Variants in DPY19L1 observed in about 807,000 individuals in gnomAD.
DPY19L1 encodes protein C-mannosyl-transferase DPY19L1.
A neutral mutation model predicts 96.9 loss-of-function variants in DPY19L1; 35 were observed. That is an observed-to-expected ratio of 0.36 (90% CI 0.28 to 0.48). The LOEUF (loss-of-function observed/expected upper bound fraction) is 0.48, where lower values mean the gene tolerates loss of function less well. Ranked by LOEUF, DPY19L1 falls within the 20% of genes least tolerant of loss-of-function variation. The pLI is 0.99. For synonymous variants in DPY19L1, 205 were observed against 252.6 expected (o/e 0.81, Z 1.79); for missense variants, 521 against 777.9 (o/e 0.67, Z 3.93).
intron 3 of DPY19L1, among the ~76,000 whole-genome samples, chr7:35,015,926 C>T (rs1016371587): frequency 1.3e-5 from 2 of 152,142 alleles, no homozygotes; most frequent in South Asian, 2.1e-4. Context: ...TTAATTATAC[C>T]TTTGGTACTT....
Position 35,037,278 on chromosome 7 carries a change from C to T in DPY19L1, c.117G>A (p.Gly39=), listed in dbSNP as rs1446357634. 9 of 327,526 alleles carry T rather than the reference C, an allele frequency of 2.7e-5. No individual in the cohort carries two copies. The highest frequency in any genetic ancestry group is 6.6e-5 in the African/African-American group (3 of 45,438). 20.3% of individuals were successfully genotyped at this position (327,526 alleles called of 1,614,324 possible). Residue 39 remains glycine (G), a synonymous_variant, in exon 1 of 22, where the codon GGG becomes GGA. Transcript: ENST00000638088. ...CCGGGGACAGGGGCGCGCGCTCGGG[C>T]CCCGGCTCCCCGGCGCCGACGTCCG... is the stretch of plus-strand genomic sequence containing the variant. The part of the protein sequence containing the change: ...GASDVGAGEP[G]PERAPLSPGR...
intron 21 of DPY19L1, among the ~76,000 whole-genome samples, chr7:34,933,469 T>C (rs1301714186): frequency 6.6e-6 from 1 of 152,168 alleles, no homozygotes; most frequent in East Asian, 1.9e-4. Context: ...TGATGGTCAG[T>C]ATTGAGTGTC....
chr7:35,037,831 G>C, upstream of DPY19L1: 1 of 1,230,488 alleles, frequency 8.1e-7, no homozygotes, highest in Non-Finnish European at 1.0e-6. Flanking sequence ...TTCGGCGCCC[G>C]CGCGGGGCTC....
intron 16 of DPY19L1, among the ~76,000 whole-genome samples, chr7:34,944,010 T>G (rs1343832604): frequency 3.3e-5 from 5 of 152,108 alleles, no homozygotes; most frequent in Non-Finnish European, 7.4e-5. Flanking sequence ...AATTTATCAT[T>G]ATGTTGGCAG....
At chr7:35,019,800 T>C (rs79068587) in intron 1 of DPY19L1, among the ~76,000 whole-genome samples, 1,787 of 152,330 alleles carry the variant, frequency 0.012, 26 homozygotes, top group African/African-American at 0.039. Context: ...ATAAGATATA[T>C]TGATCTTTTG....
In DPY19L1 at chr7:35,018,130, T is replaced by C. The variant is rs16879093; in HGVS notation, c.324-161A>G. 6.5e-3 allele frequency among the ~76,000 whole-genome samples: 986 copies of C among 152,282 alleles called. 11 individuals are homozygous for C. Among genetic ancestry groups the C allele is most frequent in the African/African-American group, 0.022 (935 of 41,562 alleles). On this transcript the variant is annotated intron_variant, in intron 2 of 21. Transcript: ENST00000638088. ...CTATATTTTTTTCACTCAGTATGTA[T>C]TGCATTTATACTAAAATTTCCCTCT...
intron 1 of DPY19L1, among the ~76,000 whole-genome samples, chr7:35,028,451 T>C (rs1418115181): frequency 6.6e-6 from 1 of 152,246 alleles, no homozygotes; most frequent in African/African-American, 2.4e-5. Context: ...AATATGTATA[T>C]ATGTACAGAT....
At chr7:34,981,099 G>A (rs1478886361) in intron 7 of DPY19L1, among the ~76,000 whole-genome samples, 1 of 152,132 alleles carries the variant, frequency 6.6e-6, no homozygotes, top group African/African-American at 2.4e-5. Context: ...CTGGATACAA[G>A]ATTGTATACA....
At chr7:35,015,024 C>G (rs1342007567) in intron 3 of DPY19L1, among the ~76,000 whole-genome samples, 2 of 152,050 alleles carry the variant, frequency 1.3e-5, no homozygotes, top group Non-Finnish European at 2.9e-5. Context: ...ACAAGATGCC[C>G]GTCAACACCT....
intron 7 of DPY19L1, among the ~76,000 whole-genome samples, chr7:34,978,627 C>T (rs1784877338): frequency 6.6e-6 from 1 of 152,046 alleles, no homozygotes; most frequent in Admixed American, 6.6e-5. Flanking sequence ...GGCACTGTAT[C>T]TTGATAATAA....
intron 7 of DPY19L1, among the ~76,000 whole-genome samples, chr7:34,988,889 T>C (rs545336247): frequency 6.6e-6 from 1 of 152,346 alleles, no homozygotes; most frequent in South Asian, 2.1e-4. Context: ...AAGCTAACAA[T>C]TACATAGCAG....
Position 34,954,729 on chromosome 7 carries a change from A to G in DPY19L1, c.1289T>C (p.Leu430Ser). The change falls in exon 13 of 22, where the codon TTG becomes TCG. Residue 430 changes from leucine (L) to serine (S), a missense_variant. Transcript: ENST00000638088. ...TGCAATACCAAAAATTTTAGATGTC[A>G]AGTATTTAAGTATGACAGTTCCAAA... ...WLFGTVILKYLTSKIFGIADD... is the reference protein window; with the variant it reads ...WLFGTVILKYSTSKIFGIADD... 2 of 1,565,846 alleles carry G rather than the reference A, an allele frequency of 1.3e-6. No homozygotes were observed. The highest frequency in any genetic ancestry group is 1.7e-6 in the Non-Finnish European group (2 of 1,149,646).
chr7:34,956,094 A>G (rs946828777), intron 11 of DPY19L1, among the ~76,000 whole-genome samples: 8 of 152,194 alleles, frequency 5.3e-5, no homozygotes, highest in African/African-American at 1.9e-4. Flanking sequence ...ATTCGTACCT[A>G]AGGCACACCT....
chr7:35,027,547 A>C (rs1786153486), intron 1 of DPY19L1, among the ~76,000 whole-genome samples: 1 of 151,740 alleles, frequency 6.6e-6, no homozygotes, highest in Non-Finnish European at 1.5e-5. Context: ...TCAGTCATGA[A>C]GGCCGGGCTC....
intron 6 of DPY19L1, among the ~76,000 whole-genome samples, chr7:34,998,387 G>C (rs980993363): frequency 6.6e-6 from 1 of 152,176 alleles, no homozygotes; most frequent in African/African-American, 2.4e-5. Context: ...TCGTGAAAAA[G>C]ATCATTTAAG....
chr7:34,992,027 G>C (rs956303528), intron 6 of DPY19L1, among the ~76,000 whole-genome samples: 2 of 152,004 alleles, frequency 1.3e-5, no homozygotes, highest in Admixed American at 1.3e-4. Flanking sequence ...CGTTTGTTTC[G>C]GCAGGAGGGA....
At chr7:34,969,841 C>G (rs988249069) in intron 8 of DPY19L1, among the ~76,000 whole-genome samples, 2 of 152,006 alleles carry the variant, frequency 1.3e-5, no homozygotes, top group African/African-American at 4.8e-5. Flanking sequence ...ACTGATTCAA[C>G]AGATTCATTA....
At chr7:35,037,778 C>T, upstream of DPY19L1, 1 of 1,178,414 alleles carries the variant, frequency 8.5e-7, no homozygotes, top group Non-Finnish European at 1.0e-6. Flanking sequence ...ACTTCCGGCG[C>T]AGGCGGGGCC....
intron 16 of DPY19L1, among the ~76,000 whole-genome samples, chr7:34,942,937 G>C (rs756587226): frequency 7.2e-5 from 11 of 152,156 alleles, no homozygotes; most frequent in Non-Finnish European, 1.5e-4. Context: ...CCCCAGCAAA[G>C]CATGGAATGA....
Sources: allele counts gnomAD v4.1 joint callset (sites outside exome capture counted in the v4.1 genomes callset), GRCh38; gene constraint gnomAD v4.1.1; transcripts MANE v1.5; gene names NCBI Gene and HGNC (gene_info 2026-07-23, HGNC 2026-07-21).